SLC39A10: variants seen among roughly 807,000 people sequenced by gnomAD.
The protein encoded by SLC39A10 is zinc transporter ZIP10.
SLC39A10 carries 13 observed loss-of-function variants against 65.1 expected under a neutral mutation model. That is an observed-to-expected ratio of 0.20 (90% confidence interval 0.13 to 0.32). The LOEUF is 0.32. Ranked by LOEUF, SLC39A10 falls within the 10% of genes least tolerant of loss-of-function variation. SLC39A10 has a pLI of 1.00. For missense variants in SLC39A10, 831 were observed against 1,018.4 expected, an observed-to-expected ratio of 0.82 and a Z score of 2.50; for synonymous variants, 321 against 342.2, an observed-to-expected ratio of 0.94 and a Z score of 0.68.
At chr2:195,624,887 CAAA>C (rs60370795) in intron 2 of SLC39A10, among the ~76,000 whole-genome samples, 2 of 47,316 alleles carry the variant, frequency 4.2e-5, no homozygotes, top group Non-Finnish European at 4.1e-5. Flanking sequence ...GACTCCATCT[CAAA>C]AAAAAAAAAA....
chr2:195,700,166 C>T (rs1691122583), intron 3 of SLC39A10, among the ~76,000 whole-genome samples: 1 of 152,054 alleles, frequency 6.6e-6, no homozygotes, highest in Non-Finnish European at 1.5e-5. Flanking sequence ...TGTTTTTATT[C>T]ATTCTGCCAA....
At chr2:195,623,021 C>G (rs1010610250) in intron 2 of SLC39A10, among the ~76,000 whole-genome samples, 1 of 147,592 alleles carries the variant, frequency 6.8e-6, no homozygotes, top group Non-Finnish European at 1.5e-5. Context: ...TCATTCATGT[C>G]TGGGCTTGAA....
chr2:195,703,782 G>C (rs1574291695), intron 3 of SLC39A10, among the ~76,000 whole-genome samples: 1 of 151,962 alleles, frequency 6.6e-6, no homozygotes, highest in Non-Finnish European at 1.5e-5. Flanking sequence ...GCCTCCCAAG[G>C]AGCTTGGACT....
Position 195,716,872 on chromosome 2 carries a change from C to T in SLC39A10, c.1932C>T (p.His644=), listed in dbSNP as rs1480132091. Residue 644 remains histidine, a synonymous_variant, in exon 7 of 10, where the codon CAC becomes CAT. Transcript: ENST00000359634. ...TGAGGAAGCATAATCACCAGTGGCACCACAAGCATTCTCATCATTCCCATG... is the reference window on the plus strand; with the variant it reads ...TGAGGAAGCATAATCACCAGTGGCATCACAAGCATTCTCATCATTCCCATG... ...TVLRKHNHQW[H]HKHSHHSHGP... is the part of the protein sequence containing the mutation. The T allele has an allele frequency of 6.2e-7, 1 of 1,614,132 alleles. No individual in the cohort carries two copies. Among genetic ancestry groups the T allele is most frequent in the Non-Finnish European group, 8.5e-7 (1 of 1,180,020 alleles).
At position 195,716,833 on chromosome 2, in the gene SLC39A10, G is replaced by C. The variant is rs761972638; in HGVS notation, c.1893G>C (p.Glu631Asp). The change falls in exon 7 of 10, where the codon GAG (glutamate) becomes GAC (aspartate). Residue 631 changes from glutamate to aspartate, a missense_variant. Transcript: ENST00000359634. Reference sequence around the variant, plus strand: ...CTGCTGCACATAACCACCACGGCGAGAACAAAACTGTGCTGAGGAAGCATA... The same window carrying C: ...CTGCTGCACATAACCACCACGGCGACAACAAAACTGTGCTGAGGAAGCATA... ...LHAAAHNHHGENKTVLRKHNH... is the reference protein window; with the variant it reads ...LHAAAHNHHGDNKTVLRKHNH... The C allele has an allele frequency of 6.2e-7, 1 of 1,614,126 alleles. No homozygotes were observed. Among genetic ancestry groups the C allele is most frequent in the South Asian group, 1.1e-5 (1 of 91,082 alleles).
At chr2:195,625,500 C>T (rs976418864) in intron 2 of SLC39A10, among the ~76,000 whole-genome samples, 2 of 151,960 alleles carry the variant, frequency 1.3e-5, no homozygotes, top group African/African-American at 4.8e-5. Flanking sequence ...TGATCTCGAA[C>T]TCCGGACCTC....
intron 3 of SLC39A10, among the ~76,000 whole-genome samples, chr2:195,702,104 GA>G (rs143401455): frequency 0.026 from 3,973 of 152,052 alleles, 162 homozygotes; most frequent in African/African-American, 0.09. Context: ...TCCCAAAAGA[GA>G]AAAAAAGAAG....
At chr2:195,689,952 A>G (rs12464415) in intron 3 of SLC39A10, among the ~76,000 whole-genome samples, 108,337 of 151,898 alleles carry the variant, frequency 0.71, 38,733 homozygotes, top group Non-Finnish European at 0.73. Context: ...TGAGGTGGGC[A>G]GATCACCTGA....
upstream of SLC39A10, among the ~76,000 whole-genome samples, chr2:195,655,063 A>C (rs1297980938): frequency 6.6e-6 from 1 of 152,214 alleles, no homozygotes; most frequent in Non-Finnish European, 1.5e-5. Context: ...TGACATTTAA[A>C]ATATGTAACA....
At chr2:195,621,001 C>T (rs1688338359) in intron 2 of SLC39A10, among the ~76,000 whole-genome samples, 1 of 152,056 alleles carries the variant, frequency 6.6e-6, no homozygotes, top group Admixed American at 6.6e-5. Context: ...AATCCTTGCT[C>T]CAAAAATAAA....
At position 195,683,793 on chromosome 2, in the gene SLC39A10, T is replaced by C; in HGVS notation, c.1103T>C (p.Leu368Ser). ...TTTACATACCTTTGCCCTGCATTGT[T>C]ATATCAAATCGACAGCAGACTTTGT... ...DLFTYLCPAL[L>S]YQIDSRLCIE... The change falls in exon 3 of 10, where the codon TTA (leucine) becomes TCA (serine). Residue 368 changes from leucine to serine, a missense_variant. By Grantham distance (145) the Leu-to-Ser change is moderately radical. Coordinates refer to ENST00000359634, the MANE Select transcript of SLC39A10 (RefSeq NM_020342.3). 1 of 1,613,428 alleles carries C rather than the reference T, an allele frequency of 6.2e-7. No individual in the cohort carries two copies. Among genetic ancestry groups the C allele is most frequent in the Non-Finnish European group, 8.5e-7 (1 of 1,179,480 alleles).
chr2:195,719,713 G>C (rs1691954031), intron 8 of SLC39A10, among the ~76,000 whole-genome samples: 1 of 151,380 alleles, frequency 6.6e-6, no homozygotes, highest in Non-Finnish European at 1.5e-5. Context: ...TGTCCCCTGG[G>C]TTCAAGCGAT....
chr2:195,715,178 C>T lies in SLC39A10; in HGVS notation c.1697-1459C>T, dbSNP rs1184214878. 2.6e-5 allele frequency among the ~76,000 whole-genome samples: 4 copies of T among 151,886 alleles called. No individual in the cohort carries two copies. In the East Asian group the frequency reaches 5.8e-4, roughly 22 times the overall value. The stretch of plus-strand genomic sequence containing the variant: ...TAAAGAAAATAAGTGATGAAAAAAG[C>T]ACATAATCTCTTTTATATACTTACC... On this transcript the variant is annotated intron_variant, in intron 6 of 9. Coordinates refer to ENST00000359634, the MANE Select transcript of SLC39A10 (RefSeq NM_020342.3).
At chr2:195,661,538 C>G (rs987980697) in intron 1 of SLC39A10, among the ~76,000 whole-genome samples, 14 of 152,186 alleles carry the variant, frequency 9.2e-5, no homozygotes, top group Admixed American at 7.9e-4. Flanking sequence ...CCGTGCCCAG[C>G]CAGTAATACT....
At chr2:195,683,396 CTCA>C (rs548808333) in intron 2 of SLC39A10, among the ~76,000 whole-genome samples, 70 of 152,132 alleles carry the variant, frequency 4.6e-4, no homozygotes, top group African/African-American at 1.5e-3. Context: ...AATGATTTTT[CTCA>C]TCATCCTACG....
chr2:195,713,792 A>C (rs1691683512), intron 6 of SLC39A10, among the ~76,000 whole-genome samples: 1 of 152,226 alleles, frequency 6.6e-6, no homozygotes, highest in Non-Finnish European at 1.5e-5. Context: ...TTTAAAGAGC[A>C]AACACATAGA....
chr2:195,709,095 G>A (rs535092760), intron 5 of SLC39A10, among the ~76,000 whole-genome samples: 14 of 152,156 alleles, frequency 9.2e-5, no homozygotes, highest in South Asian at 8.3e-4. Context: ...TGTGATCATG[G>A]CTCACTGCAA....
At chr2:195,679,293 T>G (rs1035371357) in intron 1 of SLC39A10, among the ~76,000 whole-genome samples, 1 of 152,208 alleles carries the variant, frequency 6.6e-6, no homozygotes, top group Non-Finnish European at 1.5e-5. Context: ...TTCTTTTGTG[T>G]GGAAACCTAA....
At chr2:195,673,424 T>C (rs1319712058) in intron 1 of SLC39A10, among the ~76,000 whole-genome samples, 3 of 152,164 alleles carry the variant, frequency 2.0e-5, no homozygotes, top group Non-Finnish European at 2.9e-5. Flanking sequence ...TCCCAAAGTG[T>C]TGGAATTGCA....
Sources: gnomAD v4.1 joint callset for allele counts (sites outside exome capture counted in the v4.1 genomes callset) on GRCh38, gnomAD v4.1.1 for gene constraint, MANE v1.5 for transcripts, NCBI Gene and HGNC (gene_info 2026-07-23, HGNC 2026-07-21) for gene names.